Variants in CHL1 observed in about 807,000 individuals in gnomAD.
CHL1 encodes neural cell adhesion molecule L1-like protein.
CHL1 carries 96 observed loss-of-function variants against 141.9 expected under a neutral mutation model. The observed-to-expected ratio is 0.68, with a 90% CI of 0.57 to 0.80. CHL1 has a LOEUF of 0.80. CHL1 is among the 30% of genes least tolerant of loss of function. The pLI, the probability that CHL1 is intolerant of heterozygous loss-of-function variation, is 0.00. For missense variants in CHL1, 1,820 were observed against 1,457.2 expected, an observed-to-expected ratio of 1.25 and a Z score of -4.05; for synonymous variants, 613 against 502.2, an observed-to-expected ratio of 1.22 and a Z score of -2.95.
chr3:267,013 A>T (rs530011612), intron 2 of CHL1, among the ~76,000 whole-genome samples: 1 of 152,244 alleles, frequency 6.6e-6, no homozygotes, highest in Non-Finnish European at 1.5e-5. Context: ...TTACCTGCAT[A>T]ATTTGTCCTT....
intron 24 of CHL1, among the ~76,000 whole-genome samples, chr3:397,641 AT>A (rs564892452): frequency 2.0e-5 from 3 of 152,252 alleles, no homozygotes; most frequent in African/African-American, 7.2e-5. Flanking sequence ...ACATATTAAT[AT>A]TTTTTGAAAA....
chr3:319,976 ATATT>A (rs1700434050), intron 3 of CHL1, 109 bp downstream of exon 3: 1 of 648,592 alleles, frequency 1.5e-6, no homozygotes, highest in Non-Finnish European at 2.6e-6. Flanking sequence ...ATATTTCTAT[ATATT>A]CTTTAGCAAT....
intron 2 of CHL1, chr3:282,594 A>C (rs527775291): frequency 6.6e-6 from 1 of 152,298 alleles, no homozygotes; most frequent in Admixed American, 6.5e-5. Context: ...GTAATTTTCA[A>C]AGAATAGTTT....
Position 367,355 on chromosome 3 carries a change from G to C in CHL1, c.1751+1240G>C, listed in dbSNP as rs1450028703. Among the ~76,000 whole-genome samples, 4 of 152,152 alleles carry C rather than the reference G, an allele frequency of 2.6e-5. No individual in the cohort carries two copies. The East Asian group carries it at 7.7e-4, about 29-fold the overall frequency. On this transcript the variant is annotated intron_variant, in intron 15 of 27. Transcript: ENST00000256509. ...TGCATGAGACAGCAACACTGCCATG[G>C]GTAAGATCATGAACTCTGAAGCTCA... is the stretch of plus-strand genomic sequence containing the variant.
At chr3:299,543 G>C (rs1240985886) in intron 2 of CHL1, among the ~76,000 whole-genome samples, 1 of 152,150 alleles carries the variant, frequency 6.6e-6, no homozygotes, top group Non-Finnish European at 1.5e-5. Context: ...CTATGTTCCA[G>C]GTACAATATT....
intron 13 of CHL1, among the ~76,000 whole-genome samples, chr3:362,511 C>A (rs867042637): frequency 6.6e-6 from 1 of 152,008 alleles, no homozygotes; most frequent in Non-Finnish European, 1.5e-5. Context: ...ACCTTGCTTA[C>A]TGAGATGTTT....
At chr3:403,471 C>T (rs1224176197) in intron 27 of CHL1, among the ~76,000 whole-genome samples, 1 of 152,082 alleles carries the variant, frequency 6.6e-6, no homozygotes, top group Admixed American at 6.6e-5. Context: ...TTCTTGAACT[C>T]AGGAGGCGGA....
At chr3:381,335 C>A (rs11706690) in intron 16 of CHL1, among the ~76,000 whole-genome samples, 78,221 of 151,990 alleles carry the variant, frequency 0.51, 23,689 homozygotes, top group South Asian at 0.71. Flanking sequence ...CTGGGGTCCA[C>A]CAACCCAGTG....
chr3:328,472 T>A, intron 5 of CHL1, 118 bp downstream of exon 5: 1 of 782,778 alleles, frequency 1.3e-6, no homozygotes, highest in Non-Finnish European at 1.9e-6. Context: ...ATATGTGTCT[T>A]GTATTTTATT....
At chr3:249,485 G>A (rs1693483427) in intron 2 of CHL1, among the ~76,000 whole-genome samples, 1 of 152,120 alleles carries the variant, frequency 6.6e-6, no homozygotes, top group African/African-American at 2.4e-5. Flanking sequence ...AGGATAGCAT[G>A]CATTATTAGA....
At chr3:361,859 T>C in intron 13 of CHL1, 49 bp downstream of exon 13, 1 of 1,251,624 alleles carries the variant, frequency 8.0e-7, no homozygotes, top group South Asian at 1.2e-5. Context: ...ATTGTAGATT[T>C]GACCTTGTTT....
chr3:309,512 C>T (rs2124970746), intron 2 of CHL1, among the ~76,000 whole-genome samples: 1 of 146,246 alleles, frequency 6.8e-6, no homozygotes, highest in South Asian at 2.2e-4. Flanking sequence ...CTTCCTCTTC[C>T]TTCCTTCTTT....
rs1267847777 is a variant in CHL1, at chr3:366,120, G to C, written c.1751+5G>C. On this transcript the variant is annotated splice_donor_5th_base_variant and intron_variant, in intron 15 of 27. Coordinates refer to ENST00000256509, the MANE Select transcript of CHL1 (RefSeq NM_006614.4). The stretch of plus-strand genomic sequence containing the variant: ...TAATGGCACAGAAGATGGCAGGTAG[G>C]TAAACTATTATGATATGTCATAATA... 2 of 1,612,206 alleles carry C rather than the reference G, an allele frequency of 1.2e-6. No individual in the cohort carries two copies.
intron 11 of CHL1, among the ~76,000 whole-genome samples, chr3:355,977 T>C (rs1703679237): frequency 6.6e-6 from 1 of 152,144 alleles, no homozygotes; most frequent in Non-Finnish European, 1.5e-5. Flanking sequence ...CGGGGTTGTT[T>C]TGTGGATTAA....
At chr3:270,296 G>A (rs959074889) in intron 2 of CHL1, among the ~76,000 whole-genome samples, 2 of 152,000 alleles carry the variant, frequency 1.3e-5, no homozygotes, top group Non-Finnish European at 2.9e-5. Context: ...GGCCAATGAG[G>A]GTCTTTGATA....
At chr3:218,792 A>C (rs1489142620) in intron 1 of CHL1, among the ~76,000 whole-genome samples, 1 of 152,208 alleles carries the variant, frequency 6.6e-6, no homozygotes, top group Non-Finnish European at 1.5e-5. Flanking sequence ...AACACGTTTC[A>C]TGCAAATCAA....
At chr3:392,062 T>A (rs577376793) in intron 23 of CHL1, among the ~76,000 whole-genome samples, 1 of 152,274 alleles carries the variant, frequency 6.6e-6, no homozygotes, top group South Asian at 2.1e-4. Context: ...AGTGGCAAAG[T>A]TGAGTCATCT....
At chr3:205,410 A>T (rs1699340554) in intron 1 of CHL1, among the ~76,000 whole-genome samples, 1 of 152,116 alleles carries the variant, frequency 6.6e-6, no homozygotes. Flanking sequence ...CACCTTACAC[A>T]GCCCAGATTT....
intron 2 of CHL1, among the ~76,000 whole-genome samples, chr3:284,574 G>C (rs1696961673): frequency 6.6e-6 from 1 of 152,140 alleles, no homozygotes; most frequent in African/African-American, 2.4e-5. Flanking sequence ...ACATTGAAAA[G>C]CAAAAATGAG....
Sources: allele counts gnomAD v4.1 joint callset (sites outside exome capture counted in the v4.1 genomes callset), GRCh38; gene constraint gnomAD v4.1.1; transcripts MANE v1.5; gene names NCBI Gene and HGNC (gene_info 2026-07-23, HGNC 2026-07-21).